ACADL: variants seen among roughly 807,000 people sequenced by gnomAD.
The protein encoded by ACADL is long-chain specific acyl-CoA dehydrogenase, mitochondrial.
Under a neutral mutation model 56.9 loss-of-function variants are expected in ACADL, and 60 were observed. The ratio of observed to expected loss-of-function variants is 1.05; its 90% confidence interval spans 0.86 to 1.31. The LOEUF (loss-of-function observed/expected upper bound fraction) is 1.31, where lower values mean the gene tolerates loss of function less well. ACADL is among the 50% of genes most tolerant of loss of function. The pLI is 0.00. For missense variants in ACADL, 484 were observed against 525.5 expected (o/e 0.92, Z 0.77); for synonymous variants, 158 against 179.7 (o/e 0.88, Z 0.97).
At chr2:210,216,314 C>G (rs750131459) in intron 4 of ACADL, 33 bp downstream of exon 4, 1 of 1,611,560 alleles carries the variant, frequency 6.2e-7, no homozygotes, top group Non-Finnish European at 8.5e-7. Context: ...GCACTGCTTC[C>G]AAGAATCCAA....
rs1355068408 is a variant in ACADL, at chr2:210,192,061, TAGAA to T, written c.1199+739_1199+742del. Among the ~76,000 whole-genome samples, 15 of 152,236 alleles carry T rather than the reference TAGAA, an allele frequency of 9.9e-5. No homozygotes were observed. In the South Asian group the frequency reaches 2.7e-3, roughly 27 times the overall value. ...TCAATTTGAAGGAAATAAATCTATT[TAGAA>T]AGAAGATTTTTAATTTTTTTAGAAC... On this transcript the variant is annotated intron_variant, in intron 10 of 10. Coordinates refer to ENST00000233710, the MANE Select transcript of ACADL (RefSeq NM_001608.4).
chr2:210,209,832 A>C (rs1033925373), intron 5 of ACADL: 2 of 192,094 alleles, frequency 1.0e-5, no homozygotes, highest in African/African-American at 4.8e-5. Context: ...ATTCTTCTTG[A>C]TCTATATGAG....
At position 210,223,837 on chromosome 2, in the gene ACADL, AC is replaced by A. The variant is rs1229339137; in HGVS notation, c.77+1349del. On this transcript the variant is annotated intron_variant, in intron 1 of 10. Coordinates refer to ENST00000233710, the MANE Select transcript of ACADL (RefSeq NM_001608.4). The stretch of plus-strand genomic sequence containing the variant: ...GCTTCTTATTGTAACTTTTAAATAA[AC>A]TAAATATCTGTAAAGTTTCTCAGTT... Among the ~76,000 whole-genome samples, 10 of 152,332 alleles carry A rather than the reference AC, an allele frequency of 6.6e-5. No individual in the cohort carries two copies. The South Asian group carries it at 1.7e-3, about 25-fold the overall frequency.
intron 8 of ACADL, among the ~76,000 whole-genome samples, chr2:210,202,650 T>C (rs1218662750): frequency 6.6e-6 from 1 of 152,130 alleles, no homozygotes; most frequent in East Asian, 1.9e-4. Context: ...ATCCTTTCTT[T>C]ATATACAGGT....
Position 210,214,139 on chromosome 2 carries a change from G to T in ACADL, c.536+2208C>A, listed in dbSNP as rs185972393. Among the ~76,000 whole-genome samples, 587 of 152,264 alleles carry T rather than the reference G, an allele frequency of 3.9e-3. 3 individuals are homozygous for T. The highest frequency in any genetic ancestry group is 0.014 in the African/African-American group (561 of 41,554). On this transcript the variant is annotated intron_variant, in intron 4 of 10. Coordinates refer to ENST00000233710, the MANE Select transcript of ACADL (RefSeq NM_001608.4). ...CTCCATGGAAGGGGAAAGGGCCAGT[G>T]AAACTCTGGATGTTTTTCAACAATT...
At chr2:210,205,376 G>T (rs562457287) in intron 6 of ACADL, among the ~76,000 whole-genome samples, 5 of 152,006 alleles carry the variant, frequency 3.3e-5, no homozygotes, top group Admixed American at 1.3e-4. Flanking sequence ...ACAAATAGAT[G>T]GCTTGTTACC....
chr2:210,195,812 A>G (rs1688702119), intron 8 of ACADL, among the ~76,000 whole-genome samples: 1 of 152,198 alleles, frequency 6.6e-6, no homozygotes, highest in African/African-American at 2.4e-5. Context: ...AGGGGTTTCT[A>G]TATATGTTCA....
At chr2:210,191,667 G>A (rs1688634547) in intron 10 of ACADL, among the ~76,000 whole-genome samples, 1 of 152,148 alleles carries the variant, frequency 6.6e-6, no homozygotes. Context: ...CTGCCAGTTT[G>A]AATGTAGGTT....
rs754174181 is a variant in ACADL at position 210,216,439 on chromosome 2, A to G, written c.444T>C (p.His148=). The change falls in exon 4 of 11, where the codon CAT becomes CAC. Residue 148 remains histidine (H), a synonymous_variant. Transcript: ENST00000233710. ...SGIVMSYITN[H]GSEEQIKHFI... is the part of the protein sequence containing the mutation. ...AGTGCTTAATCTGTTCTTCTGAGCCATGGTTTGTAATATAGGACATGACAA... is the reference window on the plus strand; with the variant it reads ...AGTGCTTAATCTGTTCTTCTGAGCCGTGGTTTGTAATATAGGACATGACAA... 8 of 1,612,906 alleles carry G rather than the reference A, an allele frequency of 5.0e-6. No homozygotes were observed. Among genetic ancestry groups the G allele is most frequent in the Non-Finnish European group, 6.8e-6 (8 of 1,179,372 alleles).
chr2:210,213,315 C>A (rs546662178), intron 4 of ACADL, among the ~76,000 whole-genome samples: 1 of 152,138 alleles, frequency 6.6e-6, no homozygotes, highest in African/African-American at 2.4e-5. Context: ...GCCTGGCCAA[C>A]CTGCTGAATC....
chr2:210,225,216 G>T lies in ACADL; in HGVS notation c.48C>A (p.His16Gln), dbSNP rs1418240039. Residue 16 changes from histidine to glutamine, a missense_variant, in exon 1 of 11, where the codon CAC becomes CAA. Transcript: ENST00000233710. ...LRGSLRVLGG[H>Q]RAPRQLPAAR... ...CGGCGGGCAGCTGGCGCGGCGCACG[G>T]TGGCCGCCCAGGACGCGTAGGGACC... 1.3e-5 allele frequency: 20 copies of T among 1,545,318 alleles called. No individual in the cohort carries two copies. The highest frequency in any genetic ancestry group is 1.6e-5 in the Non-Finnish European group (18 of 1,151,500).
At position 210,188,908 on chromosome 2, in the gene ACADL, G is replaced by A; in HGVS notation, c.*53C>T. 7.9e-7 allele frequency: 1 copy of A among 1,270,476 alleles called. No individual in the cohort carries two copies. The highest frequency in any genetic ancestry group is 1.2e-5 in the South Asian group (1 of 84,186). The allele number at this position is 1,270,476 out of a possible 1,614,324, so 78.7% of individuals were successfully genotyped here. ...CTTTCCAAGTTACATTTTATCTTGA[G>A]CAGATTTAAAACGAGATTAGCTGTA... On this transcript the variant is annotated 3_prime_UTR_variant, in exon 11 of 11. Coordinates refer to ENST00000233710, the MANE Select transcript of ACADL (RefSeq NM_001608.4).
rs1688586502 is a variant in ACADL at position 210,188,814 on chromosome 2, A to T, written c.*147T>A. 4.5e-6 allele frequency: 3 copies of T among 665,458 alleles called. No individual in the cohort carries two copies. Among genetic ancestry groups the T allele is most frequent in the Non-Finnish European group, 8.1e-6 (3 of 371,158 alleles). The allele number at this position is 665,458 out of a possible 1,614,324, so 41.2% of individuals were successfully genotyped here. On this transcript the variant is annotated 3_prime_UTR_variant, in exon 11 of 11. Coordinates refer to ENST00000233710, the MANE Select transcript of ACADL (RefSeq NM_001608.4). ...AAAGATTTGTCCTTCCACTGTGTTAATCTTATATTTATATTTTATTTCCTT... is the reference window on the plus strand; with the variant it reads ...AAAGATTTGTCCTTCCACTGTGTTATTCTTATATTTATATTTTATTTCCTT...
chr2:210,210,322 G>T, intron 4 of ACADL, 60 bp from the exon 5 acceptor site: 3 of 1,246,520 alleles, frequency 2.4e-6, no homozygotes, highest in Non-Finnish European at 3.5e-6. Flanking sequence ...TTATACAAAT[G>T]ATATAAGTAT....
rs776288278 is a variant in ACADL, at chr2:210,225,310, A to T, written c.-47T>A. The T allele has an allele frequency of 6.6e-7, 1 of 1,521,610 alleles. No homozygotes were observed. 94.3% of individuals were successfully genotyped at this position (1,521,610 alleles called of 1,614,324 possible). A position where few individuals can be genotyped will look rare whatever the true frequency, so the allele number is the denominator to read the frequency against. On this transcript the variant is annotated 5_prime_UTR_variant, in exon 1 of 11. Transcript: ENST00000233710. The stretch of plus-strand genomic sequence containing the variant: ...GGGCGACGGAGGCGACTCTGCGGCT[A>T]CTCGGCGACTCGGGGCAGGGTCCCC...
At chr2:210,197,586 C>G (rs1688729999) in intron 8 of ACADL, among the ~76,000 whole-genome samples, 2 of 152,126 alleles carry the variant, frequency 1.3e-5, no homozygotes, top group Admixed American at 1.3e-4. Context: ...TAAGCCTACT[C>G]CTAGTTTAGT....
At chr2:210,201,547 A>G (rs1688793119) in intron 8 of ACADL, among the ~76,000 whole-genome samples, 1 of 152,196 alleles carries the variant, frequency 6.6e-6, no homozygotes, top group South Asian at 2.1e-4. Context: ...CGGAGATTCA[A>G]GTAGCTGTGT....
chr2:210,213,984 C>A (rs904259138), intron 4 of ACADL, among the ~76,000 whole-genome samples: 3 of 151,800 alleles, frequency 2.0e-5, no homozygotes, highest in African/African-American at 7.3e-5. Flanking sequence ...AGTTTCAGAC[C>A]AGCCTGGGAA....
chr2:210,191,543 C>T (rs1027957927), intron 10 of ACADL, among the ~76,000 whole-genome samples: 1 of 152,146 alleles, frequency 6.6e-6, no homozygotes, highest in Non-Finnish European at 1.5e-5. Flanking sequence ...CATTGAGCCA[C>T]TACATAGCTT....
Sources: gnomAD v4.1 joint callset for allele counts (sites outside exome capture counted in the v4.1 genomes callset) on GRCh38, gnomAD v4.1.1 for gene constraint, MANE v1.5 for transcripts, NCBI Gene and HGNC (gene_info 2026-07-23, HGNC 2026-07-21) for gene names.